Variants in PHTF1 observed in about 807,000 individuals in gnomAD.
PHTF1 encodes the protein protein PHTF1.
Under a neutral mutation model 102.4 loss-of-function variants are expected in PHTF1, and 88 were observed. That is an observed-to-expected ratio of 0.86 (90% confidence interval 0.72 to 1.03). The LOEUF (loss-of-function observed/expected upper bound fraction) is 1.03, where lower values mean the gene tolerates loss of function less well. Ranked by LOEUF, PHTF1 falls within the 50% of genes least tolerant of loss-of-function variation. The pLI is 0.00. For missense variants in PHTF1, 814 were observed against 909.5 expected (o/e 0.89, Z 1.35); for synonymous variants, 289 against 305.2 (o/e 0.95, Z 0.55).
intron 3 of PHTF1, among the ~76,000 whole-genome samples, chr1:113,751,003 T>A (rs1315657040): frequency 6.6e-6 from 1 of 152,172 alleles, no homozygotes; most frequent in Non-Finnish European, 1.5e-5. Flanking sequence ...GGCTTACATC[T>A]GTAATCCCAG....
In PHTF1 at chr1:113,713,397, G is replaced by C; in HGVS notation, c.665C>G (p.Thr222Ser). 6.3e-7 allele frequency: 1 copy of C among 1,582,140 alleles called. No homozygotes were observed. The highest frequency in any genetic ancestry group is 8.7e-7 in the Non-Finnish European group (1 of 1,151,532). Residue 222 changes from threonine (T) to serine (S), a missense_variant, in exon 8 of 19, where the codon ACT becomes AGT. By Grantham distance (58) the Thr-to-Ser change is moderately conservative. Coordinates refer to ENST00000369604, the MANE Select transcript of PHTF1 (RefSeq NM_001323043.2). Reference sequence around the variant, plus strand: ...ATGGACACAACTTGGGTCATTGTCAGTTTCAGTCCCTTTGTTAGATATTAA... The same window carrying C: ...ATGGACACAACTTGGGTCATTGTCACTTTCAGTCCCTTTGTTAGATATTAA... ...VKLISNKGTE[T>S]DNDPSCVHPI...
intron 3 of PHTF1, among the ~76,000 whole-genome samples, chr1:113,748,322 T>A (rs1185254217): frequency 2.0e-5 from 3 of 152,114 alleles, no homozygotes; most frequent in Non-Finnish European, 4.4e-5. Flanking sequence ...GTACTGCATT[T>A]CTGGGGCAAT....
chr1:113,732,578 T>G (rs1654829026), intron 5 of PHTF1, among the ~76,000 whole-genome samples: 1 of 152,080 alleles, frequency 6.6e-6, no homozygotes, highest in African/African-American at 2.4e-5. Context: ...GGCATAGATA[T>G]GAGAATAACC....
intron 5 of PHTF1, among the ~76,000 whole-genome samples, chr1:113,729,941 G>A (rs752201973): frequency 1.1e-4 from 17 of 152,160 alleles, no homozygotes; most frequent in Non-Finnish European, 2.1e-4. Context: ...TGAGGACAAC[G>A]GAAGCATCCT....
chr1:113,705,380 G>A (rs1261801306), intron 13 of PHTF1, among the ~76,000 whole-genome samples: 3 of 152,074 alleles, frequency 2.0e-5, no homozygotes. Context: ...GGTCAAGGCT[G>A]GAGTGAGCCG....
intron 16 of PHTF1, 42 bp downstream of exon 16, chr1:113,700,752 T>C (rs759693484): frequency 6.3e-6 from 10 of 1,582,338 alleles, no homozygotes; most frequent in African/African-American, 1.4e-5. Context: ...CGTATTACGC[T>C]ACCCCTAACC....
intron 5 of PHTF1, among the ~76,000 whole-genome samples, chr1:113,731,138 G>A (rs1654570625): frequency 6.6e-6 from 1 of 152,120 alleles, no homozygotes; most frequent in Non-Finnish European, 1.5e-5. Flanking sequence ...ACTCTACACT[G>A]AGAAATGGTT....
chr1:113,750,861 G>T (rs989585187), intron 3 of PHTF1, among the ~76,000 whole-genome samples: 1 of 146,428 alleles, frequency 6.8e-6, no homozygotes, highest in East Asian at 2.1e-4. Context: ...AAAAAAAAAA[G>T]ATTAGTAAAA....
intron 3 of PHTF1, among the ~76,000 whole-genome samples, chr1:113,753,518 C>G (rs1425952098): frequency 6.6e-6 from 1 of 152,070 alleles, no homozygotes; most frequent in Non-Finnish European, 1.5e-5. Context: ...ACCTCTGCCT[C>G]CCACACTCAA....
intron 3 of PHTF1, among the ~76,000 whole-genome samples, chr1:113,756,894 G>A (rs2359167): frequency 0.19 from 29,218 of 152,132 alleles, 3,838 homozygotes; most frequent in East Asian, 0.59. Flanking sequence ...TAGGCCGGGC[G>A]CGGTGGCTCA....
chr1:113,719,145 T>G lies in PHTF1; in HGVS notation c.623+5614A>C, dbSNP rs184565031. Among the ~76,000 whole-genome samples the G allele has an allele frequency of 2.2e-4, 34 of 152,164 alleles. No homozygotes were observed. The East Asian group carries it at 5.6e-3, about 25-fold the overall frequency. On this transcript the variant is annotated intron_variant, in intron 7 of 18. Transcript: ENST00000369604. Reference sequence around the variant, plus strand: ...CCTCCCAGGTAGCTGGGATTACAAGTACCCACCATCATGCCTGGTTAATTT... The same window carrying G: ...CCTCCCAGGTAGCTGGGATTACAAGGACCCACCATCATGCCTGGTTAATTT...
In PHTF1 at chr1:113,713,392, T is replaced by C. The variant is rs749646400; in HGVS notation, c.670A>G (p.Asn224Asp). Residue 224 changes from asparagine (N) to aspartate (D), a missense_variant, in exon 8 of 19, where the codon AAT becomes GAT. Physicochemically the swap from Asn to Asp is conservative, Grantham distance 23. Coordinates refer to ENST00000369604, the MANE Select transcript of PHTF1 (RefSeq NM_001323043.2). ...ATAGGATGGACACAACTTGGGTCAT[T>C]GTCAGTTTCAGTCCCTTTGTTAGAT... ...LISNKGTETDNDPSCVHPIIK... is the reference protein window; with the variant it reads ...LISNKGTETDDDPSCVHPIIK... The C allele has an allele frequency of 1.9e-6, 3 of 1,593,348 alleles. No individual in the cohort carries two copies. The highest frequency in any genetic ancestry group is 2.2e-5 in the East Asian group (1 of 44,744).
chr1:113,707,803 A>C (rs1027499888), intron 11 of PHTF1, among the ~76,000 whole-genome samples: 11 of 152,230 alleles, frequency 7.2e-5, no homozygotes, highest in Non-Finnish European at 1.5e-4. Flanking sequence ...ACAGCATGGT[A>C]AGGAAAGGCA....
At chr1:113,729,342 G>C (rs1409639523) in intron 5 of PHTF1, among the ~76,000 whole-genome samples, 1 of 152,110 alleles carries the variant, frequency 6.6e-6, no homozygotes, top group African/African-American at 2.4e-5. Context: ...GTATTTGATA[G>C]CACAACAGGC....
At chr1:113,712,797 T>G (rs1651336576) in intron 8 of PHTF1, among the ~76,000 whole-genome samples, 1 of 151,490 alleles carries the variant, frequency 6.6e-6, no homozygotes, top group South Asian at 2.1e-4. Context: ...TTTTTTTTTT[T>G]TTTTTTTGAG....
In PHTF1 at chr1:113,705,820, G is replaced by T. The variant is rs557180255; in HGVS notation, c.1671+70C>A. 53 of 1,214,526 alleles carry T rather than the reference G, an allele frequency of 4.4e-5. 1 individual carries two copies. The African/African-American group carries it at 7.7e-4, about 18-fold the overall frequency. The allele number at this position is 1,214,526 out of a possible 1,614,324, so 75.2% of individuals were successfully genotyped here. A position where few individuals can be genotyped will look rare whatever the true frequency, so the allele number is the denominator to read the frequency against. On this transcript the variant is annotated intron_variant, in intron 13 of 18. Transcript: ENST00000369604. ...AACTTGAAGAGAGACCAAATCAAGA[G>T]AACAAAAGCAACTCAATGGAATATC... is the stretch of plus-strand genomic sequence containing the variant.
At chr1:113,727,979 G>GA (rs999146243) in intron 5 of PHTF1, among the ~76,000 whole-genome samples, 5 of 150,678 alleles carry the variant, frequency 3.3e-5, no homozygotes, top group Middle Eastern at 3.2e-3. Context: ...TCTCAAAAAA[G>GA]AAAAAAAAAT....
chr1:113,732,322 C>G (rs771093488), intron 5 of PHTF1, among the ~76,000 whole-genome samples: 3 of 152,096 alleles, frequency 2.0e-5, no homozygotes, highest in Non-Finnish European at 4.4e-5. Flanking sequence ...ATGGGGAAAC[C>G]CCATCTCTAC....
intron 15 of PHTF1, chr1:113,703,768 C>A: frequency 3.7e-6 from 1 of 271,580 alleles, no homozygotes; most frequent in Non-Finnish European, 7.0e-6. Flanking sequence ...AAAGATCTAC[C>A]TTGGAGTGAT....
Sources: gnomAD v4.1 joint callset for allele counts (sites outside exome capture counted in the v4.1 genomes callset) on GRCh38, gnomAD v4.1.1 for gene constraint, MANE v1.5 for transcripts, NCBI Gene and HGNC (gene_info 2026-07-23, HGNC 2026-07-21) for gene names.